Variants in ZNF423 observed in about 807,000 individuals in gnomAD.
ZNF423 encodes the protein Ebf-associated zinc finger protein.
In ZNF423, 12 loss-of-function variants were observed where a neutral mutation model predicts 95.8. The ratio of observed to expected loss-of-function variants is 0.13; its 90% CI spans 0.08 to 0.20. ZNF423 has a LOEUF of 0.20. Ranked by LOEUF, ZNF423 falls within the 10% of genes least tolerant of loss-of-function variation. The probability of loss-of-function intolerance (pLI) is 1.00; values close to 1 mark genes in which losing one functional copy is unlikely to be tolerated. For synonymous variants in ZNF423, 749 were observed against 711.9 expected (o/e 1.05, Z -0.83); for missense variants, 1,316 against 1,737.1 (o/e 0.76, Z 4.31).
intron 1 of ZNF423, among the ~76,000 whole-genome samples, chr16:49,843,415 A>C (rs1297327331): frequency 6.6e-6 from 1 of 152,138 alleles, no homozygotes; most frequent in Non-Finnish European, 1.5e-5. Flanking sequence ...AATTACCCCC[A>C]TCCTCAGAGA....
intron 3 of ZNF423, among the ~76,000 whole-genome samples, chr16:49,681,379 G>C (rs1480684882): frequency 1.3e-5 from 2 of 152,238 alleles, no homozygotes; most frequent in African/African-American, 4.8e-5. Flanking sequence ...CCCGTCAGCA[G>C]GAGAACTTTG....
intron 3 of ZNF423, among the ~76,000 whole-genome samples, chr16:49,689,500 G>A (rs2031697853): frequency 6.6e-6 from 1 of 151,710 alleles, no homozygotes; most frequent in South Asian, 2.1e-4. Context: ...AAGATATGCT[G>A]CTTTCCTGAA....
chr16:49,589,163 A>G (rs748367558), intron 5 of ZNF423, among the ~76,000 whole-genome samples: 43 of 152,088 alleles, frequency 2.8e-4, no homozygotes, highest in Non-Finnish European at 5.9e-4. Flanking sequence ...CCCACTCCAC[A>G]TTCCAGTCTC....
chr16:49,520,551 T>C (rs1324869913), intron 7 of ZNF423, among the ~76,000 whole-genome samples: 2 of 152,232 alleles, frequency 1.3e-5, no homozygotes, highest in African/African-American at 4.8e-5. Flanking sequence ...GCCTAGAATC[T>C]TCTCAAGACC....
upstream of ZNF423, among the ~76,000 whole-genome samples, chr16:49,858,727 CCA>C (rs1491229545): frequency 0.024 from 3,340 of 140,676 alleles, 107 homozygotes; most frequent in African/African-American, 0.065. The surrounding 1 kb of genome is among the most constrained non-coding windows in gnomAD (Gnocchi z 4.3). Flanking sequence ...GCCCCCCCCC[CCA>C]CGCCCCCGCG....
At chr16:49,683,797 G>T (rs2031460985) in intron 3 of ZNF423, among the ~76,000 whole-genome samples, 1 of 152,118 alleles carries the variant, frequency 6.6e-6, no homozygotes, top group South Asian at 2.1e-4. Context: ...TTAAAACTTA[G>T]CCAGGCATGA....
At chr16:49,536,686 G>T (rs1334288506) in intron 5 of ZNF423, among the ~76,000 whole-genome samples, 7 of 151,628 alleles carry the variant, frequency 4.6e-5, no homozygotes, top group Non-Finnish European at 1.0e-4. Flanking sequence ...CAAAGTGCTG[G>T]GATTACAGGT....
At chr16:49,794,075 T>C (rs1282651083) in intron 1 of ZNF423, among the ~76,000 whole-genome samples, 3 of 151,964 alleles carry the variant, frequency 2.0e-5, no homozygotes, top group African/African-American at 7.3e-5. Context: ...CTTTCTCTGT[T>C]GTCTAGGCTG....
intron 5 of ZNF423, among the ~76,000 whole-genome samples, chr16:49,528,998 A>G (rs900888637): frequency 6.6e-6 from 1 of 151,890 alleles, no homozygotes; most frequent in African/African-American, 2.4e-5. Context: ...ATAAGATCGC[A>G]CAGTGCTCGG....
At position 49,635,619 on chromosome 16, in the gene ZNF423, A is replaced by G. The variant is rs754275918; in HGVS notation, c.3516+41T>C. On this transcript the variant is annotated intron_variant, in intron 4 of 7. Transcript: ENST00000563137. The surrounding 1 kb of genome is among the most constrained non-coding windows in gnomAD (Gnocchi z 4.8). ...TCCTGTGGGGACCAGAGGAGCCCCAAGGAGAGGAGCAGGGAGCAGGATGAG... is the reference window on the plus strand; with the variant it reads ...TCCTGTGGGGACCAGAGGAGCCCCAGGGAGAGGAGCAGGGAGCAGGATGAG... 8 of 1,511,036 alleles carry G rather than the reference A, an allele frequency of 5.3e-6. No homozygotes were observed. The highest frequency in any genetic ancestry group is 7.1e-6 in the Non-Finnish European group (8 of 1,132,394). The allele number at this position is 1,511,036 out of a possible 1,614,324, so 93.6% of individuals were successfully genotyped here.
At chr16:49,696,314 G>C (rs1325185798) in intron 3 of ZNF423, among the ~76,000 whole-genome samples, 1 of 152,174 alleles carries the variant, frequency 6.6e-6, no homozygotes, top group Non-Finnish European at 1.5e-5. Flanking sequence ...CATACATGGG[G>C]TATTATTATT....
At chr16:49,785,675 G>C (rs2034299282) in intron 2 of ZNF423, among the ~76,000 whole-genome samples, 2 of 152,310 alleles carry the variant, frequency 1.3e-5, no homozygotes, top group South Asian at 4.1e-4. Context: ...CAGCCAGCAG[G>C]AGCTGAGGGC....
At chr16:49,715,476 T>G (rs890731609) in intron 3 of ZNF423, among the ~76,000 whole-genome samples, 1 of 152,222 alleles carries the variant, frequency 6.6e-6, no homozygotes, top group Non-Finnish European at 1.5e-5. Flanking sequence ...GCACGGCAGC[T>G]GGCACAAGTA....
intron 5 of ZNF423, among the ~76,000 whole-genome samples, chr16:49,605,223 G>A (rs942917917): frequency 6.6e-6 from 1 of 152,084 alleles, no homozygotes; most frequent in East Asian, 1.9e-4. Flanking sequence ...ACAAATCCTG[G>A]GGGTGGAGGA....
At chr16:49,724,662 G>A (rs1377092596) in intron 3 of ZNF423, among the ~76,000 whole-genome samples, 2 of 152,230 alleles carry the variant, frequency 1.3e-5, no homozygotes, top group African/African-American at 4.8e-5. Flanking sequence ...GCTCCACACA[G>A]CACCAGCCCT....
In ZNF423 at chr16:49,636,770, C is replaced by T; in HGVS notation, c.2406G>A (p.Val802=). The T allele has an allele frequency of 6.2e-7, 1 of 1,614,040 alleles. No individual in the cohort carries two copies. Among genetic ancestry groups the T allele is most frequent in the African/African-American group, 1.3e-5 (1 of 75,062 alleles). ...GTGTGGTGATGTGGCACTGCAGCTC[C>T]ACCTCGGTGCTGAAGGTCTCCCCAC... ...IFCGETFSTE[V]ELQCHITTHS... Residue 802 remains valine, a synonymous_variant, in exon 4 of 8, where the codon GTG becomes GTA. Coordinates refer to ENST00000563137, the MANE Select transcript of ZNF423 (RefSeq NM_001379286.1). The surrounding 1 kb of genome is among the most constrained non-coding windows in gnomAD (Gnocchi z 8.6).
intron 3 of ZNF423, among the ~76,000 whole-genome samples, chr16:49,658,191 A>C (rs1053749083): frequency 2.6e-5 from 4 of 152,212 alleles, no homozygotes; most frequent in African/African-American, 7.2e-5. Context: ...TACTGCAGTG[A>C]CTGCAGCTCT....
At chr16:49,542,363 G>A (rs548819328) in intron 5 of ZNF423, among the ~76,000 whole-genome samples, 1 of 152,316 alleles carries the variant, frequency 6.6e-6, no homozygotes, top group African/African-American at 2.4e-5. Flanking sequence ...AGTAAAATGG[G>A]GATATAATTG....
At chr16:49,509,462 G>A (rs745971931) in intron 7 of ZNF423, among the ~76,000 whole-genome samples, 2 of 152,146 alleles carry the variant, frequency 1.3e-5, no homozygotes, top group African/African-American at 2.4e-5. Flanking sequence ...TCTTCCCCAT[G>A]CCCGGCCCCC....
Sources: gnomAD v4.1 joint callset for allele counts (sites outside exome capture counted in the v4.1 genomes callset) on GRCh38, gnomAD v4.1.1 for gene constraint, Gnocchi (gnomAD v3.1) non-coding constraint, MANE v1.5 for transcripts, NCBI Gene and HGNC (gene_info 2026-07-23, HGNC 2026-07-21) for gene names.